The following ADK variants were observed in gnomAD, a reference collection of about 807,000 sequenced individuals.
ADK encodes N6,N6-dimethyladenosine kinase.
A neutral mutation model predicts 44.7 loss-of-function variants in ADK; 24 were observed. The ratio of observed to expected loss-of-function variants is 0.54; its 90% CI spans 0.39 to 0.76. The LOEUF is 0.76. ADK is among the 30% of genes least tolerant of loss of function. The pLI, the probability that ADK is intolerant of heterozygous loss-of-function variation, is 0.00. For missense variants in ADK, 321 were observed against 425.1 expected (o/e 0.76, Z 2.15); for synonymous variants, 128 against 142.6 (o/e 0.90, Z 0.73).
At position 74,589,274 on chromosome 10, in the gene ADK, T is replaced by TA. The variant is rs1373556505; in HGVS notation, c.727-7dup. On this transcript the variant is annotated splice_region_variant and splice_polypyrimidine_tract_variant and intron_variant, in intron 7 of 10. Coordinates refer to ENST00000539909, the MANE Select transcript of ADK (RefSeq NM_006721.4). The stretch of plus-strand genomic sequence containing the variant: ...ATAATTAACTGTTCTTTTTTTTTTT[T>TA]ATTTCAGGAAGCTGCCACTTTTGCT... The TA allele has an allele frequency of 1.2e-6, 2 of 1,612,410 alleles. No individual in the cohort carries two copies. The highest frequency in any genetic ancestry group is 3.3e-5 in the Admixed American group (2 of 59,880).
chr10:74,442,631 G>C (rs1845459734), intron 6 of ADK, among the ~76,000 whole-genome samples: 1 of 152,168 alleles, frequency 6.6e-6, no homozygotes, highest in Non-Finnish European at 1.5e-5. Context: ...GGGCGACAGA[G>C]TGAGACTCTA....
At chr10:74,287,153 G>A (rs2132465305) in intron 3 of ADK, among the ~76,000 whole-genome samples, 1 of 152,242 alleles carries the variant, frequency 6.6e-6, no homozygotes, top group African/African-American at 2.4e-5. Context: ...AATGGAGTGA[G>A]TGGATATGAT....
intron 4 of ADK, among the ~76,000 whole-genome samples, chr10:74,390,882 G>A (rs1205210937): frequency 1.3e-5 from 2 of 152,080 alleles, no homozygotes; most frequent in African/African-American, 4.8e-5. Flanking sequence ...GCATCACATC[G>A]TAAGGTTTAT....
chr10:74,323,126 C>A (rs149933241), intron 4 of ADK, among the ~76,000 whole-genome samples: 20 of 152,294 alleles, frequency 1.3e-4, no homozygotes, highest in African/African-American at 4.1e-4. Flanking sequence ...TCAAGAAATA[C>A]TACAAGCAGT....
chr10:74,430,934 T>C (rs1310745891), intron 6 of ADK, among the ~76,000 whole-genome samples: 1 of 151,884 alleles, frequency 6.6e-6, no homozygotes, highest in Admixed American at 6.6e-5. Flanking sequence ...GTGGCTGCTA[T>C]ATAGAAAATA....
At chr10:74,494,812 G>C (rs770093476) in intron 6 of ADK, among the ~76,000 whole-genome samples, 7 of 152,028 alleles carry the variant, frequency 4.6e-5, no homozygotes, top group Non-Finnish European at 8.8e-5. Flanking sequence ...ACAGGGGTGA[G>C]CCACCACACC....
At chr10:74,605,999 A>C (rs1192103091) in intron 9 of ADK, among the ~76,000 whole-genome samples, 3 of 152,094 alleles carry the variant, frequency 2.0e-5, no homozygotes, top group Non-Finnish European at 4.4e-5. Context: ...TAATGTATCC[A>C]TTTCTTCTAG....
At chr10:74,364,927 T>C (rs2131955089) in intron 4 of ADK, among the ~76,000 whole-genome samples, 1 of 152,272 alleles carries the variant, frequency 6.6e-6, no homozygotes, top group Non-Finnish European at 1.5e-5. Flanking sequence ...TTCACTTCTC[T>C]TTTAGATTAC....
At chr10:74,440,469 A>G (rs779094643) in intron 6 of ADK, among the ~76,000 whole-genome samples, 17 of 152,196 alleles carry the variant, frequency 1.1e-4, no homozygotes, top group Non-Finnish European at 2.5e-4. Flanking sequence ...TGAAAAGAAC[A>G]AAAGATTCCA....
chr10:74,457,359 G>A (rs1845991843), intron 6 of ADK, among the ~76,000 whole-genome samples: 1 of 152,282 alleles, frequency 6.6e-6, no homozygotes, highest in African/African-American at 2.4e-5. Context: ...ACCAAAAAAA[G>A]CCCAGGACCA....
chr10:74,519,280 A>G (rs1848715499), intron 6 of ADK, among the ~76,000 whole-genome samples: 1 of 152,076 alleles, frequency 6.6e-6, no homozygotes, highest in Non-Finnish European at 1.5e-5. Flanking sequence ...AAGCTCCAGC[A>G]GAAAAATATG....
intron 1 of ADK, among the ~76,000 whole-genome samples, chr10:74,155,363 C>T (rs1218179544): frequency 6.6e-6 from 1 of 152,120 alleles, no homozygotes; most frequent in East Asian, 1.9e-4. Context: ...GTGGCATAAG[C>T]CTGTGGTCCC....
At chr10:74,679,798 C>T (rs1855532569) in intron 10 of ADK, among the ~76,000 whole-genome samples, 1 of 151,568 alleles carries the variant, frequency 6.6e-6, no homozygotes, top group South Asian at 2.1e-4. Context: ...CCTATCTCTA[C>T]TAAAATACAA....
At chr10:74,454,500 G>A (rs754694279) in intron 6 of ADK, among the ~76,000 whole-genome samples, 29 of 152,058 alleles carry the variant, frequency 1.9e-4, no homozygotes, top group Non-Finnish European at 4.0e-4. Flanking sequence ...CCTGAAGGCA[G>A]GGTATAAATC....
intron 6 of ADK, among the ~76,000 whole-genome samples, chr10:74,413,121 T>A (rs958254398): frequency 2.6e-5 from 4 of 152,090 alleles, no homozygotes; most frequent in African/African-American, 9.7e-5. Context: ...CTTTGTTATT[T>A]CATTTATAGA....
chr10:74,558,597 T>A (rs1850350026), intron 7 of ADK, among the ~76,000 whole-genome samples: 1 of 152,222 alleles, frequency 6.6e-6, no homozygotes, highest in South Asian at 2.1e-4. Context: ...ATAAGTTTCC[T>A]GAGGCCTCCC....
At chr10:74,593,084 T>C (rs1163253310) in intron 8 of ADK, among the ~76,000 whole-genome samples, 1 of 151,948 alleles carries the variant, frequency 6.6e-6, no homozygotes, top group African/African-American at 2.4e-5. Flanking sequence ...TAGGTGACTT[T>C]TAGGTTCCTG....
intron 6 of ADK, chr10:74,423,576 C>T (rs184339629): frequency 5.2e-5 from 13 of 251,330 alleles, no homozygotes; most frequent in Middle Eastern, 1.5e-3. Flanking sequence ...ACGTTCATTG[C>T]AGTCTTTACT....
chr10:74,164,351 C>T (rs536965963), intron 1 of ADK, among the ~76,000 whole-genome samples: 3 of 152,012 alleles, frequency 2.0e-5, no homozygotes, highest in East Asian at 1.9e-4. Flanking sequence ...GCCTGGCCAA[C>T]ATGTTGAAAC....
Sources: gnomAD v4.1 joint callset for allele counts (sites outside exome capture counted in the v4.1 genomes callset) on GRCh38, gnomAD v4.1.1 for gene constraint, MANE v1.5 for transcripts, NCBI Gene and HGNC (gene_info 2026-07-23, HGNC 2026-07-21) for gene names.